Variants in ANK1 observed in about 807,000 individuals in gnomAD.
The protein encoded by ANK1 is ankyrin 1, also known as ankyrin-1.
Under a neutral mutation model 210.4 loss-of-function variants are expected in ANK1, and 51 were observed. The ratio of observed to expected loss-of-function variants is 0.24; its 90% CI spans 0.19 to 0.31. The LOEUF (loss-of-function observed/expected upper bound fraction) is 0.31. Among genes scored for constraint, ANK1 ranks in the 10% least tolerant of loss-of-function variants. The pLI is 1.00. For missense variants in ANK1, 2,051 were observed against 2,504.4 expected (o/e 0.82, Z 3.86); for synonymous variants, 967 against 1,025.9 (o/e 0.94, Z 1.10).
intron 1 of ANK1, chr8:41,840,224 C>T (rs1207876222): frequency 6.6e-6 from 1 of 152,034 alleles, no homozygotes; most frequent in Non-Finnish European, 1.5e-5. Context: ...GGGATGTCAC[C>T]ATATTGATGC....
At chr8:41,672,993 C>CA in intron 37 of ANK1, 81 bp from the exon 38 acceptor site, 3 of 1,393,952 alleles carry the variant, frequency 2.2e-6, no homozygotes, top group Non-Finnish European at 3.0e-6. Context: ...CGCACACGCA[C>CA]GAACACACAC....
At chr8:41,830,230 C>T (rs1337173431) in intron 1 of ANK1, among the ~76,000 whole-genome samples, 2 of 150,954 alleles carry the variant, frequency 1.3e-5, no homozygotes, top group Admixed American at 1.3e-4. Flanking sequence ...GCTCCTAGAC[C>T]CATCTCCAGG....
At position 41,672,821 on chromosome 8, in the gene ANK1, C is replaced by T. The variant is rs764849968; in HGVS notation, c.4629G>A (p.Glu1543=). The T allele has an allele frequency of 1.2e-6, 2 of 1,610,394 alleles. No homozygotes were observed. The highest frequency in any genetic ancestry group is 3.3e-5 in the Admixed American group (2 of 59,850). The change falls in exon 38 of 43, where the codon GAG becomes GAA. Residue 1543 remains glutamate, a synonymous_variant. Coordinates refer to ENST00000289734, the MANE Select transcript of ANK1 (RefSeq NM_000037.4). Reference sequence around the variant, plus strand: ...AGGGGATGGCGTCTAGGACGGCCACCTCATTCCAGTACTGGTCTGCACGTA... The same window carrying T: ...AGGGGATGGCGTCTAGGACGGCCACTTCATTCCAGTACTGGTCTGCACGTA... The part of the protein sequence containing the change: ...SPLRADQYWN[E]VAVLDAIPLA...
intron 1 of ANK1, among the ~76,000 whole-genome samples, chr8:41,872,068 G>T (rs1055411256): frequency 6.6e-6 from 1 of 152,246 alleles, no homozygotes; most frequent in African/African-American, 2.4e-5. Context: ...CCACTTCAGA[G>T]AGTGTTTAAT....
chr8:41,795,924 A>G (rs559733246), intron 1 of ANK1, among the ~76,000 whole-genome samples: 1 of 152,358 alleles, frequency 6.6e-6, no homozygotes, highest in South Asian at 2.1e-4. Context: ...TAATGATACC[A>G]ACACGTAAAA....
Position 41,693,132 on chromosome 8 carries a change from G to A in ANK1, c.3602C>T (p.Ala1201Val). 1 of 1,613,582 alleles carries A rather than the reference G, an allele frequency of 6.2e-7. No homozygotes were observed. The highest frequency in any genetic ancestry group is 8.5e-7 in the Non-Finnish European group (1 of 1,179,478). Residue 1201 changes from alanine (A) to valine (V), a missense_variant, in exon 30 of 43, where the codon GCC (alanine) becomes GTC (valine). By Grantham distance (64) the Ala-to-Val change is moderately conservative. Transcript: ENST00000289734. Reference protein sequence around the residue: ...TTKLVYANECANFTTNVSARF... With the variant: ...TTKLVYANECVNFTTNVSARF... Reference sequence around the variant, plus strand: ...GGCAGAGACATTGGTGGTGAAGTTGGCGCACTCGTTGGCATATACAAGTTT... The same window carrying A: ...GGCAGAGACATTGGTGGTGAAGTTGACGCACTCGTTGGCATATACAAGTTT...
intron 42 of ANK1, among the ~76,000 whole-genome samples, chr8:41,659,873 TA>T (rs1807318251): frequency 6.6e-6 from 1 of 151,902 alleles, no homozygotes; most frequent in Middle Eastern, 3.2e-3. Context: ...TACGGCAAAT[TA>T]AAATGAAATT....
chr8:41,839,751 G>A (rs1303913563), intron 1 of ANK1, among the ~76,000 whole-genome samples: 2 of 152,154 alleles, frequency 1.3e-5, no homozygotes, highest in Non-Finnish European at 1.5e-5. Flanking sequence ...CTGAGACACC[G>A]TCACAGCCAA....
chr8:41,689,159 T>C (rs1417115634), intron 33 of ANK1, among the ~76,000 whole-genome samples: 1 of 152,110 alleles, frequency 6.6e-6, no homozygotes, highest in African/African-American at 2.4e-5. Flanking sequence ...ACTCTGTCTC[T>C]GAAGCTGGAG....
At chr8:41,699,061 A>G (rs1821915427) in intron 23 of ANK1, among the ~76,000 whole-genome samples, 1 of 152,102 alleles carries the variant, frequency 6.6e-6, no homozygotes, top group South Asian at 2.1e-4. Flanking sequence ...AGTCTCCCAA[A>G]GTACTGGGAT....
In ANK1 at chr8:41,717,063, C is replaced by T; in HGVS notation, c.1306-12G>A. On this transcript the variant is annotated splice_polypyrimidine_tract_variant and intron_variant, in intron 12 of 42. Coordinates refer to ENST00000289734, the MANE Select transcript of ANK1 (RefSeq NM_000037.4). Reference sequence around the variant, plus strand: ...GGGGTCTCCACTTTCTATAAAATAACAAAATTATAGAACTGTTCATACATG... The same window carrying T: ...GGGGTCTCCACTTTCTATAAAATAATAAAATTATAGAACTGTTCATACATG... 6.2e-7 allele frequency: 1 copy of T among 1,613,734 alleles called. No individual in the cohort carries two copies. Among genetic ancestry groups the T allele is most frequent in the African/African-American group, 1.3e-5 (1 of 75,022 alleles).
chr8:41,661,873 C>T lies in ANK1; in HGVS notation c.5544+3G>A. On this transcript the variant is annotated splice_donor_region_variant and intron_variant, in intron 41 of 42. Coordinates refer to ENST00000289734, the MANE Select transcript of ANK1 (RefSeq NM_000037.4). The stretch of plus-strand genomic sequence containing the variant: ...GATCCTCCAGGGGCCCCTCTACAGT[C>T]ACCTCCTCGTGCTCCTGGGCGGCAT... 1 of 1,614,140 alleles carries T rather than the reference C, an allele frequency of 6.2e-7. No individual in the cohort carries two copies. The highest frequency in any genetic ancestry group is 1.1e-5 in the South Asian group (1 of 91,086).
intron 1 of ANK1, among the ~76,000 whole-genome samples, chr8:41,844,447 C>T (rs1175893271): frequency 6.6e-6 from 1 of 152,096 alleles, no homozygotes; most frequent in Non-Finnish European, 1.5e-5. Flanking sequence ...TCGCCTGAGC[C>T]CCAGCCTCCC....
chr8:41,739,280 G>A (rs1834132642), intron 2 of ANK1, among the ~76,000 whole-genome samples: 1 of 151,932 alleles, frequency 6.6e-6, no homozygotes, highest in East Asian at 1.9e-4. Context: ...CTTCATTTCT[G>A]AGAAAGTGTC....
chr8:41,734,517 C>T (rs886442074), intron 2 of ANK1, among the ~76,000 whole-genome samples: 1 of 152,196 alleles, frequency 6.6e-6, no homozygotes, highest in African/African-American at 2.4e-5. Flanking sequence ...AGATGTTAAA[C>T]TCTGAAGCAA....
intron 42 of ANK1, among the ~76,000 whole-genome samples, chr8:41,660,783 G>A (rs1289309828): frequency 6.6e-6 from 1 of 152,172 alleles, no homozygotes; most frequent in Non-Finnish European, 1.5e-5. Flanking sequence ...AGGGAGCAAC[G>A]TGTTTCACAA....
chr8:41,708,992 C>A lies in ANK1; in HGVS notation c.1801-17G>T. The A allele has an allele frequency of 6.2e-7, 1 of 1,613,292 alleles. No homozygotes were observed. The highest frequency in any genetic ancestry group is 8.5e-7 in the Non-Finnish European group (1 of 1,180,010). On this transcript the variant is annotated splice_polypyrimidine_tract_variant and intron_variant, in intron 16 of 42. Transcript: ENST00000289734. ...GTAGCCATTCTGAAACAGAAGAAGC[C>A]GCCCAGAGCCTGGTTACAGGAATGC...
At chr8:41,878,759 C>T (rs1409573814) in intron 1 of ANK1, among the ~76,000 whole-genome samples, 1 of 152,076 alleles carries the variant, frequency 6.6e-6, no homozygotes, top group Non-Finnish European at 1.5e-5. Context: ...GCCTTGCCTA[C>T]ATGTCAAAAA....
At chr8:41,666,262 A>G (rs1050346200) in intron 39 of ANK1, among the ~76,000 whole-genome samples, 1 of 152,198 alleles carries the variant, frequency 6.6e-6, no homozygotes, top group Non-Finnish European at 1.5e-5. Flanking sequence ...GCATGGTTCT[A>G]TGTGGATTTC....
Sources: allele counts gnomAD v4.1 joint callset (sites outside exome capture counted in the v4.1 genomes callset), GRCh38; gene constraint gnomAD v4.1.1; transcripts MANE v1.5; gene names NCBI Gene and HGNC (gene_info 2026-07-23, HGNC 2026-07-21).